Variants in ZNF267 observed in about 807,000 individuals in gnomAD.
ZNF267 encodes the protein zinc finger (C2H2).
In ZNF267, 61 loss-of-function variants were observed where a neutral mutation model predicts 71.6. The ratio of observed to expected loss-of-function variants is 0.85; its 90% confidence interval spans 0.69 to 1.05. The LOEUF is 1.05. Among genes scored for constraint, ZNF267 ranks in the 50% least tolerant of loss-of-function variants. ZNF267 has a pLI of 0.00. For synonymous variants in ZNF267, 288 were observed against 293.2 expected (o/e 0.98, Z 0.18); for missense variants, 852 against 870.0 (o/e 0.98, Z 0.26).
intron 3 of ZNF267, among the ~76,000 whole-genome samples, chr16:31,902,294 T>G (rs557360414): frequency 2.0e-4 from 30 of 152,222 alleles, no homozygotes; most frequent in Non-Finnish European, 3.8e-4. Flanking sequence ...TTTGGTTCCA[T>G]ATGATCTTTA....
intron 3 of ZNF267, among the ~76,000 whole-genome samples, chr16:31,892,775 A>G (rs1433375607): frequency 6.6e-6 from 1 of 152,254 alleles, no homozygotes; most frequent in East Asian, 1.9e-4. Flanking sequence ...GGTCATGCTG[A>G]TGCAAGAGGT....
At chr16:31,909,997 C>CT (rs1326168519) in intron 3 of ZNF267, among the ~76,000 whole-genome samples, 2 of 152,008 alleles carry the variant, frequency 1.3e-5, no homozygotes, top group East Asian at 3.9e-4. Context: ...TTATTAAATC[C>CT]TTTTTTCAGC....
intron 3 of ZNF267, chr16:31,912,443 C>G (rs1193150324): frequency 6.6e-6 from 1 of 151,534 alleles, no homozygotes; most frequent in African/African-American, 2.4e-5. Context: ...TATGCTGTTT[C>G]TTTTTTCTTG....
intron 3 of ZNF267, among the ~76,000 whole-genome samples, chr16:31,909,120 C>CTTTTTTTTTTTTTT (rs34409182): frequency 5.7e-4 from 26 of 45,320 alleles, no homozygotes; most frequent in East Asian, 9.6e-4. Flanking sequence ...CTTTTCTTTT[C>CTTTTTTTTTTTTTT]TTTTTTTTTT....
At position 31,916,657 on chromosome 16, in the gene ZNF267, A is replaced by G; in HGVS notation, c.*176A>G. ...CTGAAAAAATCCATACAAATATTAA[A>G]AATGTGGCAAATTATTTTAAACTGT... is the stretch of plus-strand genomic sequence containing the variant. On this transcript the variant is annotated 3_prime_UTR_variant, in exon 4 of 4. Transcript: ENST00000300870. The G allele has an allele frequency of 1.5e-6, 1 of 680,156 alleles. No individual in the cohort carries two copies. 42.1% of individuals were successfully genotyped at this position (680,156 alleles called of 1,614,324 possible). A position where few individuals can be genotyped will look rare whatever the true frequency, so the allele number is the denominator to read the frequency against.
intron 3 of ZNF267, among the ~76,000 whole-genome samples, chr16:31,897,883 A>G (rs1427030362): frequency 6.6e-6 from 1 of 152,176 alleles, no homozygotes; most frequent in Non-Finnish European, 1.5e-5. Flanking sequence ...TATGGCTTAA[A>G]AAGTTGTCTA....
In ZNF267 at chr16:31,914,564, C is replaced by T. The variant is rs762490694; in HGVS notation, c.315C>T (p.Ser105=). Residue 105 remains serine, a synonymous_variant, in exon 4 of 4, where the codon AGC becomes AGT. Coordinates refer to ENST00000300870, the MANE Select transcript of ZNF267 (RefSeq NM_003414.6). ...FQKVISRRHG[S]CDLENLHLRK... The stretch of plus-strand genomic sequence containing the variant: ...AAGTGATATCGAGGAGACATGGGAG[C>T]TGTGATCTTGAGAATTTACATTTAA... 6.2e-7 allele frequency: 1 copy of T among 1,614,068 alleles called. No homozygotes were observed. Among genetic ancestry groups the T allele is most frequent in the East Asian group, 2.2e-5 (1 of 44,860 alleles).
intron 2 of ZNF267, 33 bp from the exon 3 acceptor site, chr16:31,885,128 T>G: frequency 6.5e-7 from 1 of 1,547,326 alleles, no homozygotes; most frequent in African/African-American, 1.4e-5. Context: ...AGAACCCTCA[T>G]TAAGAGTCAT....
At chr16:31,881,416 G>A (rs965649613) in intron 1 of ZNF267, among the ~76,000 whole-genome samples, 12 of 152,062 alleles carry the variant, frequency 7.9e-5, no homozygotes, top group African/African-American at 2.9e-4. Context: ...TTTCTGGGTG[G>A]CCGCTGCTGC....
intron 3 of ZNF267, among the ~76,000 whole-genome samples, chr16:31,911,218 T>C (rs2084132901): frequency 6.6e-6 from 1 of 151,686 alleles, no homozygotes; most frequent in Admixed American, 6.5e-5. Flanking sequence ...ACAGATTAAG[T>C]CTGATGTTTC....
At chr16:31,892,050 T>C (rs1307112203) in intron 3 of ZNF267, among the ~76,000 whole-genome samples, 1 of 152,088 alleles carries the variant, frequency 6.6e-6, no homozygotes, top group Non-Finnish European at 1.5e-5. Flanking sequence ...GAGGTGGTCT[T>C]GGATGGTGTA....
chr16:31,884,737 G>A (rs1490370629), intron 2 of ZNF267, 113 bp downstream of exon 2: 14 of 1,167,994 alleles, frequency 1.2e-5, no homozygotes, highest in African/African-American at 3.2e-5. Context: ...CTTGTTTTCA[G>A]GAAAAAAATA....
intron 3 of ZNF267, among the ~76,000 whole-genome samples, chr16:31,911,388 A>T (rs1476987843): frequency 6.6e-6 from 1 of 151,520 alleles, no homozygotes; most frequent in Non-Finnish European, 1.5e-5. Flanking sequence ...ATATTCTCTG[A>T]CTGAATTGAT....
intron 3 of ZNF267, among the ~76,000 whole-genome samples, chr16:31,892,975 C>T (rs534584347): frequency 4.6e-5 from 7 of 152,230 alleles, no homozygotes; most frequent in Non-Finnish European, 5.9e-5. Flanking sequence ...CTAGGCTGTG[C>T]CCAAGTAGGG....
intron 3 of ZNF267, 50 bp downstream of exon 3, chr16:31,885,306 CAAG>C: frequency 6.6e-7 from 1 of 1,518,726 alleles, no homozygotes; most frequent in Non-Finnish European, 8.9e-7. Context: ...GTCCAGAAGT[CAAG>C]AAAGAACCAG....
At chr16:31,899,271 C>T (rs966337995) in intron 3 of ZNF267, among the ~76,000 whole-genome samples, 3 of 152,126 alleles carry the variant, frequency 2.0e-5, no homozygotes, top group Non-Finnish European at 4.4e-5. Context: ...AAATTGACCA[C>T]ATAATTGGAA....
chr16:31,875,163 G>A (rs1265317194), intron 1 of ZNF267: 3 of 1,289,042 alleles, frequency 2.3e-6, no homozygotes, highest in Non-Finnish European at 3.0e-6. Context: ...GCCCTGTATA[G>A]CCACCCTCTA....
At chr16:31,902,473 A>G (rs2084049967) in intron 3 of ZNF267, among the ~76,000 whole-genome samples, 1 of 152,142 alleles carries the variant, frequency 6.6e-6, no homozygotes, top group African/African-American at 2.4e-5. Flanking sequence ...TTCATTGAGC[A>G]GTGGTTTGTA....
At chr16:31,883,263 A>G (rs531129270) in intron 1 of ZNF267, among the ~76,000 whole-genome samples, 12 of 152,292 alleles carry the variant, frequency 7.9e-5, no homozygotes, top group African/African-American at 2.6e-4. Flanking sequence ...ACTTTATTTC[A>G]TTGTATGTAT....
Sources: allele counts gnomAD v4.1 joint callset (sites outside exome capture counted in the v4.1 genomes callset), GRCh38; gene constraint gnomAD v4.1.1; transcripts MANE v1.5; gene names NCBI Gene and HGNC (gene_info 2026-07-23, HGNC 2026-07-21).